Variants in WDR33 observed in about 807,000 individuals in gnomAD.
WDR33 encodes WD repeat domain 33.
Under a neutral mutation model 164.9 loss-of-function variants are expected in WDR33, and 47 were observed. That is an observed-to-expected ratio of 0.29 (90% confidence interval 0.23 to 0.36). WDR33 has a LOEUF of 0.36. Ranked by LOEUF, WDR33 falls within the 10% of genes least tolerant of loss-of-function variation. The pLI, the probability that WDR33 is intolerant of heterozygous loss-of-function variation, is 1.00. For synonymous variants in WDR33, 505 were observed against 589.0 expected (o/e 0.86, Z 2.06); for missense variants, 1,137 against 1,754.1 (o/e 0.65, Z 6.28).
In WDR33 at chr2:127,738,133, G is replaced by A. The variant is rs10205369; in HGVS notation, c.725-11356C>T. On this transcript the variant is annotated intron_variant, in intron 7 of 21. Transcript: ENST00000322313. This position sits in a 1 kb window ranked among gnomAD's most constrained non-coding sequence, Gnocchi z 4.4. Reference sequence around the variant, plus strand: ...TATCACATGAGCCCTGGCAGATTGTGTAATTTCCAGATATGACTGAGATTT... The same window carrying A: ...TATCACATGAGCCCTGGCAGATTGTATAATTTCCAGATATGACTGAGATTT... 1,648 of 1,349,324 alleles carry A rather than the reference G, an allele frequency of 1.2e-3. 19 individuals are homozygous for A. The African/African-American group carries it at 0.023, about 19-fold the overall frequency. The allele number at this position is 1,349,324 out of a possible 1,614,324, so 83.6% of individuals were successfully genotyped here.
At position 127,723,959 on chromosome 2, in the gene WDR33, C is replaced by A. The variant is rs187497732; in HGVS notation, c.1196+374G>T. 3.6e-3 allele frequency among the ~76,000 whole-genome samples: 549 copies of A among 152,086 alleles called. 1 individual carries two copies. Among genetic ancestry groups the A allele is most frequent in the Non-Finnish European group, 6.3e-3 (428 of 67,986 alleles). ...AGGTGTGGTGGTGTGCTCCTATAGT[C>A]TCAGCTACTCAGGAGGCTGAGGTAG... On this transcript the variant is annotated intron_variant, in intron 11 of 21. Transcript: ENST00000322313. This position sits in a 1 kb window ranked among gnomAD's most constrained non-coding sequence, Gnocchi z 5.9.
Position 127,721,772 on chromosome 2 carries a change from A to G in WDR33, c.1671+64T>C. 1 of 1,502,106 alleles carries G rather than the reference A, an allele frequency of 6.7e-7. No homozygotes were observed. The highest frequency in any genetic ancestry group is 8.9e-7 in the Non-Finnish European group (1 of 1,124,810). 93.0% of individuals were successfully genotyped at this position (1,502,106 alleles called of 1,614,324 possible). A position where few individuals can be genotyped will look rare whatever the true frequency, so the allele number is the denominator to read the frequency against. On this transcript the variant is annotated intron_variant, in intron 15 of 21. Transcript: ENST00000322313. This position sits in a 1 kb window ranked among gnomAD's most constrained non-coding sequence, Gnocchi z 4.9. ...CTTCCCTTTTCCTTAAGAGCCTATC[A>G]ATAAAAATGTCACCACTACCCTCTT...
chr2:127,725,463 G>A (rs977761243), intron 8 of WDR33, among the ~76,000 whole-genome samples: 4 of 152,182 alleles, frequency 2.6e-5, no homozygotes, highest in South Asian at 2.1e-4. Flanking sequence ...GAGGCTGGGC[G>A]TGATGGCTCA....
At position 127,719,385 on chromosome 2, in the gene WDR33, G is replaced by A; in HGVS notation, c.2640C>T (p.Pro880=). ...GGTTCTGCTGTCCCTGAGGTCCGGG[G>A]GGTCCTTGCATGCCACCCTGGGGTG... ...GPPPQGGMQG[P]PGPQGQQNPA... is the part of the protein sequence containing the mutation. The change falls in exon 16 of 22, where the codon CCC becomes CCT. Residue 880 remains proline (P), a synonymous_variant. Transcript: ENST00000322313. The surrounding 1 kb of genome is among the most constrained non-coding windows in gnomAD (Gnocchi z 6.5). 3 of 1,522,164 alleles carry A rather than the reference G, an allele frequency of 2.0e-6. No individual in the cohort carries two copies. The highest frequency in any genetic ancestry group is 2.8e-5 in the African/African-American group (2 of 71,896). 94.3% of individuals were successfully genotyped at this position (1,522,164 alleles called of 1,614,324 possible).
chr2:127,788,190 C>T (rs868790877), intron 1 of WDR33, among the ~76,000 whole-genome samples: 28 of 107,290 alleles, frequency 2.6e-4, no homozygotes, highest in African/African-American at 1.0e-3. Context: ...GCTGGCCGGG[C>T]GGAGGGCTGA....
At chr2:127,791,932 G>A (rs72846281) in intron 1 of WDR33, among the ~76,000 whole-genome samples, 9,919 of 151,714 alleles carry the variant, frequency 0.065, 438 homozygotes, top group Middle Eastern at 0.16. Flanking sequence ...GCCTTATAAT[G>A]TCTTAGTATC....
chr2:127,747,949 C>T (rs190866205), intron 7 of WDR33, among the ~76,000 whole-genome samples: 8 of 152,238 alleles, frequency 5.3e-5, no homozygotes, highest in Non-Finnish European at 1.5e-5. Context: ...TCTCACTGAA[C>T]GTCAATATCA....
At chr2:127,791,055 G>C (rs1225816373) in intron 1 of WDR33, among the ~76,000 whole-genome samples, 1 of 151,538 alleles carries the variant, frequency 6.6e-6, no homozygotes, top group East Asian at 1.9e-4. Flanking sequence ...TCAAAATTAG[G>C]CTCCATGGAA....
Position 127,737,514 on chromosome 2 carries a change from A to G in WDR33, c.725-10737T>C, listed in dbSNP as rs1432766263. 7 of 986,040 alleles carry G rather than the reference A, an allele frequency of 7.1e-6. No individual in the cohort carries two copies. In the African/African-American group the frequency reaches 1.2e-4, roughly 17 times the overall value. 61.1% of individuals were successfully genotyped at this position (986,040 alleles called of 1,614,324 possible). On this transcript the variant is annotated intron_variant, in intron 7 of 21. Coordinates refer to ENST00000322313, the MANE Select transcript of WDR33 (RefSeq NM_018383.5). ...TGAAAAGCTAGAAAAGTGCAAAAAGAAAAAGAAAAGACATTCAAAAGATTG... is the reference window on the plus strand; with the variant it reads ...TGAAAAGCTAGAAAAGTGCAAAAAGGAAAAGAAAAGACATTCAAAAGATTG...
Position 127,763,186 on chromosome 2 carries a change from G to T in WDR33, c.627-27C>A, listed in dbSNP as rs372583085. The stretch of plus-strand genomic sequence containing the variant: ...TGTTACATGAAGACACACAGCAGGG[G>T]AAAGAAGTCAGCATTTAACAGATAA... On this transcript the variant is annotated intron_variant, in intron 6 of 21. Coordinates refer to ENST00000322313, the MANE Select transcript of WDR33 (RefSeq NM_018383.5). This position sits in a 1 kb window ranked among gnomAD's most constrained non-coding sequence, Gnocchi z 4.5. The T allele has an allele frequency of 6.2e-7, 1 of 1,613,664 alleles. No homozygotes were observed. Among genetic ancestry groups the T allele is most frequent in the African/African-American group, 1.3e-5 (1 of 74,894 alleles).
intron 1 of WDR33, among the ~76,000 whole-genome samples, chr2:127,784,202 T>G (rs913122172): frequency 6.6e-6 from 1 of 152,044 alleles, no homozygotes; most frequent in Non-Finnish European, 1.5e-5. Flanking sequence ...ATATGAAAAA[T>G]AGCCGGGCAT....
chr2:127,737,614 G>A, intron 7 of WDR33: 1 of 1,005,706 alleles, frequency 9.9e-7, no homozygotes, highest in Non-Finnish European at 1.2e-6. Context: ...AGATGTATTA[G>A]TGCCAGCAGA....
Position 127,701,618 on chromosome 2 carries a change from G to T in WDR33, c.*4705C>A, listed in dbSNP as rs148183380. The T allele has an allele frequency of 0.017, 23,042 of 1,339,304 alleles. 241 individuals are homozygous for T. The highest frequency in any genetic ancestry group is 0.042 in the East Asian group (1,384 of 32,574). 83.0% of individuals were successfully genotyped at this position (1,339,304 alleles called of 1,614,324 possible). On this transcript the variant is annotated 3_prime_UTR_variant, in exon 22 of 22. Transcript: ENST00000322313. ...CCGCGGAGCCGCTGCTCGCCGCGGA[G>T]AAGGCGGAGGAGCCCGGGGACCGGC...
Position 127,811,141 on chromosome 2 carries a change from C to G in WDR33, c.-153G>C, listed in dbSNP as rs1021244571. On this transcript the variant is annotated 5_prime_UTR_variant, in exon 1 of 22. Transcript: ENST00000322313. The surrounding 1 kb of genome is among the most constrained non-coding windows in gnomAD (Gnocchi z 4.1). ...GCTCCTCCAAAGGAGCAGCCGCCAT[C>G]TTCCCCTATGGGCCACCGAACGCAC... 3 of 152,832 alleles carry G rather than the reference C, an allele frequency of 2.0e-5. No individual in the cohort carries two copies. Among genetic ancestry groups the G allele is most frequent in the African/African-American group, 7.2e-5 (3 of 41,478 alleles). 9.5% of individuals were successfully genotyped at this position (152,832 alleles called of 1,614,324 possible).
intron 1 of WDR33, among the ~76,000 whole-genome samples, chr2:127,781,939 G>A (rs905957774): frequency 2.7e-5 from 4 of 149,740 alleles, no homozygotes; most frequent in Admixed American, 1.3e-4. Context: ...TGGAGGTTGC[G>A]GTGAGCCAAG....
chr2:127,766,021 AC>A (rs1687811112), intron 4 of WDR33, among the ~76,000 whole-genome samples: 1 of 152,170 alleles, frequency 6.6e-6, no homozygotes. Context: ...TTTAAATTAA[AC>A]CTAAAGTCCT....
At chr2:127,715,088 CTTTTT>C (rs386391178) in intron 17 of WDR33, among the ~76,000 whole-genome samples, 2 of 108,570 alleles carry the variant, frequency 1.8e-5, no homozygotes, top group Non-Finnish European at 3.6e-5. Context: ...TTCTTTGTTT[CTTTTT>C]TTTTTTTTTT....
At chr2:127,762,590 T>C (rs1687709203) in intron 7 of WDR33, 1 of 986,244 alleles carries the variant, frequency 1.0e-6, no homozygotes, top group Non-Finnish European at 1.2e-6. Context: ...GCCGGCCATG[T>C]AGTACAAATG....
rs374109151 is a variant in WDR33 at position 127,701,537 on chromosome 2, C to T, written c.*4786G>A. The T allele has an allele frequency of 9.9e-5, 132 of 1,339,656 alleles. No individual in the cohort carries two copies. Among genetic ancestry groups the T allele is most frequent in the Non-Finnish European group, 8.0e-5 (83 of 1,043,402 alleles). 83.0% of individuals were successfully genotyped at this position (1,339,656 alleles called of 1,614,324 possible). The stretch of plus-strand genomic sequence containing the variant: ...CCACCGCCTTGTCCAAGATGGCGGA[C>T]CTCCACCGCCAGCTGCAGGAGTACC... On this transcript the variant is annotated 3_prime_UTR_variant, in exon 22 of 22. Transcript: ENST00000322313.
Sources: allele counts gnomAD v4.1 joint callset (sites outside exome capture counted in the v4.1 genomes callset), GRCh38; gene constraint gnomAD v4.1.1; non-coding constraint Gnocchi (gnomAD v3.1); transcripts MANE v1.5; gene names NCBI Gene and HGNC (gene_info 2026-07-23, HGNC 2026-07-21).